EPB41: variants seen among roughly 807,000 people sequenced by gnomAD.
EPB41 encodes the protein erythrocyte membrane protein band 4.1.
In EPB41, 65 loss-of-function variants were observed where a neutral mutation model predicts 108.0. The ratio of observed to expected loss-of-function variants is 0.60; its 90% CI spans 0.49 to 0.74. EPB41 has a LOEUF of 0.74. Among genes scored for constraint, EPB41 ranks in the 30% least tolerant of loss-of-function variants. The pLI, the probability that EPB41 is intolerant of heterozygous loss-of-function variation, is 0.00. For missense variants in EPB41, 875 were observed against 1,037.0 expected (o/e 0.84, Z 2.15); for synonymous variants, 336 against 358.9 (o/e 0.94, Z 0.72).
Position 28,887,514 on chromosome 1 carries a change from G to A in EPB41, c.-8+304G>A. 1 of 985,284 alleles carries A rather than the reference G, an allele frequency of 1.0e-6. No homozygotes were observed. The highest frequency in any genetic ancestry group is 1.2e-6 in the Non-Finnish European group (1 of 829,872). 61.0% of individuals were successfully genotyped at this position (985,284 alleles called of 1,614,324 possible). A position where few individuals can be genotyped will look rare whatever the true frequency, so the allele number is the denominator to read the frequency against. On this transcript the variant is annotated intron_variant, in intron 1 of 16. Coordinates refer to the EPB41 transcript ENST00000347529. The surrounding 1 kb of genome is among the most constrained non-coding windows in gnomAD (Gnocchi z 4.9). ...CCGGTCCTGGCTGTCTGGGGCGGGG[G>A]TCCTGCATTCGGTGTCCGCGGGAGA...
intron 6 of EPB41, among the ~76,000 whole-genome samples, chr1:29,016,726 C>A (rs1386174628): frequency 1.8e-5 from 1 of 57,022 alleles, no homozygotes; most frequent in Non-Finnish European, 3.0e-5. Flanking sequence ...AATGGAAAAT[C>A]AATATATTAT....
intron 2 of EPB41, among the ~76,000 whole-genome samples, chr1:28,992,620 C>T (rs377619368): frequency 5.9e-5 from 9 of 152,102 alleles, no homozygotes; most frequent in African/African-American, 1.9e-4. Context: ...ACCCTGGAGG[C>T]GGAGCTTGGA....
chr1:29,051,862 C>T (rs1644576813), intron 11 of EPB41, among the ~76,000 whole-genome samples: 1 of 150,540 alleles, frequency 6.6e-6, no homozygotes, highest in African/African-American at 2.5e-5. Context: ...CATGCCATTG[C>T]ACTCTAGCCT....
intron 16 of EPB41, among the ~76,000 whole-genome samples, chr1:29,080,747 A>C (rs183954380): frequency 3.1e-4 from 47 of 152,314 alleles, no homozygotes; most frequent in South Asian, 4.1e-4. Context: ...TCCCTTGGCC[A>C]GGCTCCTTTT....
At position 28,890,022 on chromosome 1, in the gene EPB41, AT is replaced by A. The variant is rs796437234; in HGVS notation, c.-8+2817del. 9.0e-4 allele frequency among the ~76,000 whole-genome samples: 61 copies of A among 67,776 alleles called. 1 individual carries two copies. Among genetic ancestry groups the A allele is most frequent in the African/African-American group, 3.0e-3 (60 of 19,930 alleles). The allele number at this position is 67,776 out of a possible 152,430, so 44.5% of individuals were successfully genotyped here. Reference sequence around the variant, plus strand: ...GATATTTTATTTTATTTTTATTTTTATTTTTATTTTATTTTATTTTATTTTG... The same window carrying A: ...GATATTTTATTTTATTTTTATTTTTATTTTATTTTATTTTATTTTATTTTG... On this transcript the variant is annotated intron_variant, in intron 1 of 16. Coordinates refer to the EPB41 transcript ENST00000347529.
intron 3 of EPB41, among the ~76,000 whole-genome samples, chr1:28,996,916 CT>C (rs1419412855): frequency 6.6e-6 from 1 of 151,762 alleles, no homozygotes; most frequent in Non-Finnish European, 1.5e-5. Context: ...GGGGGAATCA[CT>C]TGAGGCGGGG....
At chr1:29,000,833 T>G (rs566335163) in intron 4 of EPB41, among the ~76,000 whole-genome samples, 14 of 152,102 alleles carry the variant, frequency 9.2e-5, no homozygotes, top group Admixed American at 5.2e-4. Context: ...GAGTGTTGTT[T>G]TTTTTTTTTA....
intron 1 of EPB41, among the ~76,000 whole-genome samples, chr1:28,888,786 C>T (rs527693674): frequency 6.6e-6 from 1 of 152,278 alleles, no homozygotes; most frequent in African/African-American, 2.4e-5. Flanking sequence ...CGCCACCGCG[C>T]CCGGCTAATT....
At position 28,993,545 on chromosome 1, in the gene EPB41, G is replaced by C. The variant is rs759585466; in HGVS notation, c.681+3G>C. On this transcript the variant is annotated splice_donor_region_variant and intron_variant, in intron 3 of 20. Transcript: ENST00000343067. ...CAGTTTATGAATGTGTTGTGGAGGTGAGTATGTTTTCATTTCCAACAATCA... is the reference window on the plus strand; with the variant it reads ...CAGTTTATGAATGTGTTGTGGAGGTCAGTATGTTTTCATTTCCAACAATCA... 2 of 1,613,562 alleles carry C rather than the reference G, an allele frequency of 1.2e-6. No individual in the cohort carries two copies. The highest frequency in any genetic ancestry group is 1.7e-6 in the Non-Finnish European group (2 of 1,179,734).
At chr1:28,943,873 T>C (rs1467764094) in intron 1 of EPB41, among the ~76,000 whole-genome samples, 1 of 152,038 alleles carries the variant, frequency 6.6e-6, no homozygotes, top group Non-Finnish European at 1.5e-5. Context: ...ATATACCCAA[T>C]AGAAAGGAAA....
chr1:28,927,034 G>A (rs547372970), intron 1 of EPB41, among the ~76,000 whole-genome samples: 2 of 152,294 alleles, frequency 1.3e-5, no homozygotes, highest in Non-Finnish European at 2.9e-5. Context: ...TGTGGTTGAT[G>A]TCTCCATTGT....
At chr1:28,910,909 C>T, upstream of EPB41, 1 of 926,424 alleles carries the variant, frequency 1.1e-6, no homozygotes, top group Non-Finnish European at 1.3e-6. Flanking sequence ...CCTTAGGGAC[C>T]CCATCCTGGG....
upstream of EPB41, among the ~76,000 whole-genome samples, chr1:28,912,457 T>A (rs1200339258): frequency 6.6e-6 from 1 of 152,048 alleles, no homozygotes; most frequent in African/African-American, 2.4e-5. Flanking sequence ...CTAACAACAA[T>A]TGCATGCTTA....
chr1:29,116,005 C>G (rs1670814264), intron 20 of EPB41, among the ~76,000 whole-genome samples: 2 of 152,096 alleles, frequency 1.3e-5, no homozygotes, highest in South Asian at 4.1e-4. Flanking sequence ...GTAGCAGTGC[C>G]AGCATTATTG....
intron 11 of EPB41, among the ~76,000 whole-genome samples, chr1:29,039,793 GAC>G (rs1640811404): frequency 6.6e-6 from 1 of 151,970 alleles, no homozygotes; most frequent in Admixed American, 6.6e-5. Context: ...CAGCCTGGCT[GAC>G]AGAGTGGGAC....
chr1:28,994,445 A>G (rs2096111914), intron 3 of EPB41, among the ~76,000 whole-genome samples: 1 of 152,130 alleles, frequency 6.6e-6, no homozygotes. Flanking sequence ...TGCTGGGTTT[A>G]CAGGCTTGAG....
chr1:28,887,444 G>C lies in EPB41; in HGVS notation c.-8+234G>C, dbSNP rs2089546106. Reference sequence around the variant, plus strand: ...GGGAGGGGCGTGGGAGTCTGGAGAGGGGGTCCGGGAGCTCGGATCCGGAGC... The same window carrying C: ...GGGAGGGGCGTGGGAGTCTGGAGAGCGGGTCCGGGAGCTCGGATCCGGAGC... On this transcript the variant is annotated intron_variant, in intron 1 of 16. Coordinates refer to the EPB41 transcript ENST00000347529. The surrounding 1 kb of genome is among the most constrained non-coding windows in gnomAD (Gnocchi z 4.9). 2.0e-6 allele frequency: 2 copies of C among 985,234 alleles called. No individual in the cohort carries two copies. Among genetic ancestry groups the C allele is most frequent in the Non-Finnish European group, 2.4e-6 (2 of 829,910 alleles). The allele number at this position is 985,234 out of a possible 1,614,324, so 61.0% of individuals were successfully genotyped here. A position where few individuals can be genotyped will look rare whatever the true frequency, so the allele number is the denominator to read the frequency against.
At chr1:29,040,322 C>G (rs956267592) in intron 11 of EPB41, among the ~76,000 whole-genome samples, 1 of 151,750 alleles carries the variant, frequency 6.6e-6, no homozygotes, top group African/African-American at 2.4e-5. Flanking sequence ...CTCTGTGGCC[C>G]AGGCTGGAGT....
At chr1:28,946,435 C>G (rs2094492449) in intron 1 of EPB41, among the ~76,000 whole-genome samples, 1 of 152,178 alleles carries the variant, frequency 6.6e-6, no homozygotes, top group Admixed American at 6.5e-5. Flanking sequence ...GAATCTCCTG[C>G]TATAACACCT....
Sources: allele counts gnomAD v4.1 joint callset (sites outside exome capture counted in the v4.1 genomes callset), GRCh38; gene constraint gnomAD v4.1.1; non-coding constraint Gnocchi (gnomAD v3.1); transcripts MANE v1.5; gene names NCBI Gene and HGNC (gene_info 2026-07-23, HGNC 2026-07-21).